Variants in ARHGEF38 observed in about 807,000 individuals in gnomAD.
ARHGEF38 encodes Rho guanine nucleotide exchange factor 38, also known as Rho guanine nucleotide exchange factor (GEF) 38.
In ARHGEF38, 79 loss-of-function variants were observed where a neutral mutation model predicts 79.9. That is an observed-to-expected ratio of 0.99 (90% confidence interval 0.82 to 1.19). The LOEUF is 1.19. Ranked by LOEUF, ARHGEF38 falls within the 50% of genes most tolerant of loss-of-function variation. The pLI is 0.00. For synonymous variants in ARHGEF38, 366 were observed against 328.3 expected (o/e 1.11, Z -1.24); for missense variants, 962 against 907.2 (o/e 1.06, Z -0.78).
At chr4:105,571,088 A>C (rs1726201566) in intron 1 of ARHGEF38, among the ~76,000 whole-genome samples, 1 of 152,166 alleles carries the variant, frequency 6.6e-6, no homozygotes, top group Admixed American at 6.5e-5. Context: ...CATTCTGGAG[A>C]CGTTTGGTGG....
At chr4:105,570,996 T>G (rs1726196256) in intron 1 of ARHGEF38, among the ~76,000 whole-genome samples, 1 of 152,112 alleles carries the variant, frequency 6.6e-6, no homozygotes, top group African/African-American at 2.4e-5. Context: ...AAAAGCAGAA[T>G]GATGGTTGCC....
intron 1 of ARHGEF38, among the ~76,000 whole-genome samples, chr4:105,568,624 C>T (rs1726059009): frequency 6.6e-6 from 1 of 152,158 alleles, no homozygotes. Flanking sequence ...TAATTATAAA[C>T]ATATTTGTGT....
intron 1 of ARHGEF38, among the ~76,000 whole-genome samples, chr4:105,572,628 G>A (rs1726294218): frequency 6.6e-6 from 1 of 152,068 alleles, no homozygotes; most frequent in Non-Finnish European, 1.5e-5. Context: ...ATACAAGTGG[G>A]ATCATATGTA....
chr4:105,649,691 T>C (rs1730017371), intron 7 of ARHGEF38, among the ~76,000 whole-genome samples: 1 of 152,192 alleles, frequency 6.6e-6, no homozygotes, highest in South Asian at 2.1e-4. Context: ...TGGTTTCAGA[T>C]GGCTTTGGCA....
chr4:105,649,733 C>G (rs1445741302), intron 7 of ARHGEF38, among the ~76,000 whole-genome samples: 1 of 152,130 alleles, frequency 6.6e-6, no homozygotes, highest in East Asian at 1.9e-4. Flanking sequence ...TCCGTTAAGT[C>G]TTTGCAGCTT....
intron 2 of ARHGEF38, among the ~76,000 whole-genome samples, chr4:105,592,937 C>T (rs1055635641): frequency 6.6e-6 from 1 of 152,142 alleles, no homozygotes; most frequent in Non-Finnish European, 1.5e-5. Flanking sequence ...ATTCTATCCC[C>T]TCAGACTGAA....
chr4:105,552,723 T>A lies in ARHGEF38; in HGVS notation c.-43T>A. The A allele has an allele frequency of 6.6e-7, 1 of 1,521,044 alleles. No homozygotes were observed. Among genetic ancestry groups the A allele is most frequent in the Non-Finnish European group, 8.9e-7 (1 of 1,120,878 alleles). The allele number at this position is 1,521,044 out of a possible 1,614,324, so 94.2% of individuals were successfully genotyped here. A position where few individuals can be genotyped will look rare whatever the true frequency, so the allele number is the denominator to read the frequency against. Reference sequence around the variant, plus strand: ...CCCTCACCCTGAGGCACCTTAGCAATCAGCCATTGCCTGCAAGCCTCCAAA... The same window carrying A: ...CCCTCACCCTGAGGCACCTTAGCAAACAGCCATTGCCTGCAAGCCTCCAAA... On this transcript the variant is annotated 5_prime_UTR_variant, in exon 1 of 14. Coordinates refer to ENST00000420470, the MANE Select transcript of ARHGEF38 (RefSeq NM_001242729.2).
intron 1 of ARHGEF38, 27 bp downstream of exon 1, chr4:105,552,988 A>G (rs777318102): frequency 1.9e-5 from 29 of 1,562,558 alleles, no homozygotes; most frequent in Non-Finnish European, 2.3e-5. Context: ...CAATTGTCCC[A>G]GTTACTGCAC....
chr4:105,575,988 A>T (rs776360333), intron 1 of ARHGEF38, among the ~76,000 whole-genome samples: 2 of 152,094 alleles, frequency 1.3e-5, no homozygotes, highest in Non-Finnish European at 2.9e-5. Flanking sequence ...TGGGTTCTCT[A>T]TTCTGTTCCC....
intron 2 of ARHGEF38, among the ~76,000 whole-genome samples, chr4:105,600,133 G>A (rs1388334069): frequency 6.6e-6 from 1 of 152,162 alleles, no homozygotes; most frequent in Non-Finnish European, 1.5e-5. Context: ...CTGCTCCTGA[G>A]CTCTGCGTGG....
In ARHGEF38 at chr4:105,662,328, G is replaced by T. The variant is rs541929500; in HGVS notation, c.1545+2963G>T. On this transcript the variant is annotated intron_variant, in intron 10 of 13. Transcript: ENST00000420470. ...TGAGCCTTTTGTTGAGATAAAAATT[G>T]AGACTACTTTTTCCAAGTTAACCTT... Among the ~76,000 whole-genome samples the T allele has an allele frequency of 3.9e-5, 6 of 152,134 alleles. No homozygotes were observed. In the South Asian group the frequency reaches 1.2e-3, roughly 32 times the overall value.
chr4:105,647,029 G>A lies in ARHGEF38; in HGVS notation c.875-1520G>A, dbSNP rs145045806. ...TTAGGGATCATACATGGAGATCAGG[G>A]TGCCTCAACTGTTAGGTGAGTTGTT... On this transcript the variant is annotated intron_variant, in intron 6 of 13. Coordinates refer to ENST00000420470, the MANE Select transcript of ARHGEF38 (RefSeq NM_001242729.2). Among the ~76,000 whole-genome samples, 356 of 152,228 alleles carry A rather than the reference G, an allele frequency of 2.3e-3. 2 individuals are homozygous for A. The highest frequency in any genetic ancestry group is 8.3e-3 in the African/African-American group (345 of 41,558).
intron 7 of ARHGEF38, among the ~76,000 whole-genome samples, chr4:105,653,062 C>G (rs530134759): frequency 1.3e-5 from 2 of 152,208 alleles, no homozygotes; most frequent in East Asian, 3.9e-4. Context: ...AGGCTGGTTC[C>G]GATCTTGTTT....
rs1442709526 is a variant in ARHGEF38, at chr4:105,678,094, A to T, written c.*157A>T. The stretch of plus-strand genomic sequence containing the variant: ...CAGGAATACTGTACTTCCTAACAGG[A>T]TTATTGCATGAATGTATTATAAAGG... On this transcript the variant is annotated 3_prime_UTR_variant, in exon 14 of 14. Coordinates refer to ENST00000420470, the MANE Select transcript of ARHGEF38 (RefSeq NM_001242729.2). The T allele has an allele frequency of 7.7e-6, 4 of 520,782 alleles. No homozygotes were observed. Among genetic ancestry groups the T allele is most frequent in the Non-Finnish European group, 1.3e-5 (4 of 312,356 alleles). 32.3% of individuals were successfully genotyped at this position (520,782 alleles called of 1,614,324 possible).
chr4:105,681,023 G>T (rs1378679744), downstream of ARHGEF38: 1 of 152,106 alleles, frequency 6.6e-6, no homozygotes, highest in African/African-American at 2.4e-5. Flanking sequence ...AACAATTATG[G>T]ATATGTATTT....
At chr4:105,618,478 G>C (rs902745156) in intron 3 of ARHGEF38, among the ~76,000 whole-genome samples, 4 of 151,912 alleles carry the variant, frequency 2.6e-5, no homozygotes, top group African/African-American at 7.3e-5. Flanking sequence ...AAAATTAGCC[G>C]GGCGTGGTGG....
intron 2 of ARHGEF38, among the ~76,000 whole-genome samples, chr4:105,592,426 G>A (rs868630568): frequency 5.3e-5 from 8 of 151,700 alleles, no homozygotes; most frequent in African/African-American, 1.2e-4. Flanking sequence ...TGATGGCACC[G>A]AGACCTCCAA....
intron 2 of ARHGEF38, among the ~76,000 whole-genome samples, chr4:105,591,360 C>G (rs763287646): frequency 6.6e-6 from 1 of 152,182 alleles, no homozygotes; most frequent in Non-Finnish European, 1.5e-5. Flanking sequence ...TCCCGAGTAG[C>G]TGGGACTACA....
At chr4:105,553,211 T>TGGTGA (rs1375057301) in intron 1 of ARHGEF38, among the ~76,000 whole-genome samples, 1 of 152,134 alleles carries the variant, frequency 6.6e-6, no homozygotes, top group Non-Finnish European at 1.5e-5. Flanking sequence ...TTTTTTTTCC[T>TGGTGA]GGTGAGGGTA....
Sources: allele counts gnomAD v4.1 joint callset (sites outside exome capture counted in the v4.1 genomes callset), GRCh38; gene constraint gnomAD v4.1.1; transcripts MANE v1.5; gene names NCBI Gene and HGNC (gene_info 2026-07-23, HGNC 2026-07-21).